NRIP3: variants seen among roughly 807,000 people sequenced by gnomAD.
NRIP3 encodes nuclear receptor-interacting protein 3.
Under a neutral mutation model 29.0 loss-of-function variants are expected in NRIP3, and 31 were observed. That is an observed-to-expected ratio of 1.07 (90% CI 0.80 to 1.44). The LOEUF is 1.44. Among genes scored for constraint, NRIP3 ranks in the 40% most tolerant of loss-of-function variants. NRIP3 has a pLI of 0.00. For missense variants in NRIP3, 314 were observed against 297.9 expected (o/e 1.05, Z -0.40); for synonymous variants, 131 against 118.3 (o/e 1.11, Z -0.70).
chr11:8,987,840 A>C (rs1001385359), intron 2 of NRIP3, among the ~76,000 whole-genome samples: 4 of 152,196 alleles, frequency 2.6e-5, no homozygotes, highest in South Asian at 2.1e-4. Context: ...AAGATCCCCC[A>C]AAAACTCTAG....
intron 1 of NRIP3, 55 bp downstream of exon 1, chr11:9,003,707 A>C: frequency 2.2e-6 from 3 of 1,353,462 alleles, no homozygotes; most frequent in Middle Eastern, 2.8e-4. Context: ...GGGCCTCGGA[A>C]AACGGCGGGC....
At chr11:8,983,827 G>T in intron 6 of NRIP3, 48 bp downstream of exon 6, 1 of 1,486,538 alleles carries the variant, frequency 6.7e-7, no homozygotes, top group Non-Finnish European at 9.4e-7. Context: ...CCTGCTCGCA[G>T]CTGATGACAA....
At chr11:9,000,499 T>C (rs1469311667) in intron 1 of NRIP3, among the ~76,000 whole-genome samples, 2 of 152,146 alleles carry the variant, frequency 1.3e-5, no homozygotes, top group Non-Finnish European at 2.9e-5. Flanking sequence ...CTAGTCAGTT[T>C]TGAAAAAGCA....
At chr11:8,989,695 G>T (rs868424146) in intron 1 of NRIP3, among the ~76,000 whole-genome samples, 1 of 152,198 alleles carries the variant, frequency 6.6e-6, no homozygotes, top group Non-Finnish European at 1.5e-5. Context: ...GCTAGAGGAA[G>T]TGCTAACTCT....
intron 1 of NRIP3, among the ~76,000 whole-genome samples, chr11:8,993,908 C>A (rs1258478352): frequency 6.6e-6 from 1 of 151,662 alleles, no homozygotes; most frequent in Non-Finnish European, 1.5e-5. Context: ...TATGGAGATC[C>A]CTAACACAAG....
At chr11:9,004,020 C>A, upstream of NRIP3, 1 of 1,303,018 alleles carries the variant, frequency 7.7e-7, no homozygotes, top group Non-Finnish European at 9.9e-7. Context: ...GGCCCCGAGC[C>A]GCGCCTTTTA....
chr11:9,003,550 G>A (rs1014793695), intron 1 of NRIP3, among the ~76,000 whole-genome samples: 4 of 152,234 alleles, frequency 2.6e-5, no homozygotes, highest in Admixed American at 2.0e-4. Flanking sequence ...AGGCACAGCC[G>A]AGGGGAGCGC....
rs117226722 is a variant in NRIP3, at chr11:8,984,992, A to T, written c.562+719T>A. Among the ~76,000 whole-genome samples the T allele has an allele frequency of 1.1e-3, 158 of 147,614 alleles. 2 individuals are homozygous for T. In the East Asian group the frequency reaches 0.029, roughly 27 times the overall value. On this transcript the variant is annotated intron_variant, in intron 4 of 6. Coordinates refer to ENST00000309166, the MANE Select transcript of NRIP3 (RefSeq NM_020645.3). ...TCAGCCTCCCAAGTAGCTGGGATTA[A>T]AGGTATGCGCCACCAGTCCCGGCTA...
intron 1 of NRIP3, among the ~76,000 whole-genome samples, chr11:8,997,126 C>T (rs1270523679): frequency 1.3e-5 from 2 of 151,832 alleles, no homozygotes; most frequent in Non-Finnish European, 2.9e-5. Context: ...CCTGTAATCC[C>T]AACACTTTGG....
intron 4 of NRIP3, among the ~76,000 whole-genome samples, chr11:8,985,164 ATTTTTTT>A (rs35528175): frequency 1.3e-5 from 1 of 79,378 alleles, no homozygotes; most frequent in Non-Finnish European, 2.4e-5. Flanking sequence ...TGCTCCTTGA[ATTTTTTT>A]TTTTTTTTTT....
chr11:8,984,041 A>C, intron 5 of NRIP3, 31 bp downstream of exon 5: 2 of 1,602,584 alleles, frequency 1.2e-6, no homozygotes, highest in Non-Finnish European at 1.7e-6. Flanking sequence ...TCAGAGAGGA[A>C]GTATCAAGGG....
At chr11:9,001,925 CATGTGT>C (rs1415011989) in intron 1 of NRIP3, among the ~76,000 whole-genome samples, 2 of 152,372 alleles carry the variant, frequency 1.3e-5, no homozygotes, top group East Asian at 3.9e-4. Flanking sequence ...AGTCAACTGT[CATGTGT>C]ATGTGTCATA....
chr11:8,982,952 C>A lies in NRIP3; in HGVS notation c.*593G>T. ...GGTCTGCGTTCTTGGTCCCTTCAGT[C>A]ACTGACCTAATATATGAACTTAGAC... On this transcript the variant is annotated 3_prime_UTR_variant, in exon 7 of 7. Transcript: ENST00000309166. 2.2e-6 allele frequency: 1 copy of A among 456,442 alleles called. No individual in the cohort carries two copies. The allele number at this position is 456,442 out of a possible 1,614,324, so 28.3% of individuals were successfully genotyped here. A position where few individuals can be genotyped will look rare whatever the true frequency, so the allele number is the denominator to read the frequency against.
At position 8,982,852 on chromosome 11, in the gene NRIP3, A is replaced by G; in HGVS notation, c.*693T>C. On this transcript the variant is annotated 3_prime_UTR_variant, in exon 7 of 7. Coordinates refer to ENST00000309166, the MANE Select transcript of NRIP3 (RefSeq NM_020645.3). ...GCCTTTTTTTTTTTTTTTTTAACAC[A>G]TTCTCACCTCTTTGCCCTCCTGTTA... The G allele has an allele frequency of 2.8e-6, 1 of 353,402 alleles. No homozygotes were observed. The highest frequency in any genetic ancestry group is 8.4e-5 in the East Asian group (1 of 11,860). The allele number at this position is 353,402 out of a possible 1,614,324, so 21.9% of individuals were successfully genotyped here.
chr11:8,985,784 T>C lies in NRIP3; in HGVS notation c.489A>G (p.Lys163=). The C allele has an allele frequency of 6.2e-7, 1 of 1,614,144 alleles. No homozygotes were observed. The highest frequency in any genetic ancestry group is 8.5e-7 in the Non-Finnish European group (1 of 1,180,020). The change falls in exon 4 of 7, where the codon AAA becomes AAG. Residue 163 remains lysine (K), a synonymous_variant. Coordinates refer to ENST00000309166, the MANE Select transcript of NRIP3 (RefSeq NM_020645.3). ...CTAGGTGCTCAATCTGGCCCACTAC[T>C]TTGAGATGCCGGGGTAGAGAAAGCT... ...GEKLSLPRHL[K]VVGQIEHLVI... is the part of the protein sequence containing the mutation.
At chr11:8,996,275 CTTTTTTTTTTTTTTTT>C (rs386373056) in intron 1 of NRIP3, among the ~76,000 whole-genome samples, 1 of 82,944 alleles carries the variant, frequency 1.2e-5, no homozygotes, top group Non-Finnish European at 2.1e-5. Context: ...CCTTTTTTTC[CTTTTTTTTTTTTTTTT>C]TTTTTTTTGA....
intron 1 of NRIP3, among the ~76,000 whole-genome samples, chr11:9,000,738 G>GA (rs1854779049): frequency 6.6e-6 from 1 of 151,792 alleles, no homozygotes; most frequent in Non-Finnish European, 1.5e-5. Context: ...AAATTTCCAA[G>GA]AACGGAGATG....
At chr11:9,002,596 TAAAAAAAAA>T (rs10701323) in intron 1 of NRIP3, among the ~76,000 whole-genome samples, 3 of 101,244 alleles carry the variant, frequency 3.0e-5, no homozygotes, top group Admixed American at 1.3e-4. Context: ...GCTGTTAAAT[TAAAAAAAAA>T]AAAAAAAAAA....
chr11:8,991,686 T>C (rs1212934637), intron 1 of NRIP3, among the ~76,000 whole-genome samples: 2 of 152,236 alleles, frequency 1.3e-5, no homozygotes, highest in East Asian at 3.8e-4. Context: ...ACCATTTCAC[T>C]TCACAGAGAG....
Sources: gnomAD v4.1 joint callset for allele counts (sites outside exome capture counted in the v4.1 genomes callset) on GRCh38, gnomAD v4.1.1 for gene constraint, MANE v1.5 for transcripts, NCBI Gene and HGNC (gene_info 2026-07-23, HGNC 2026-07-21) for gene names.